AXIN2: variants seen among roughly 807,000 people sequenced by gnomAD.
The protein encoded by AXIN2 is axin-2.
In AXIN2, 21 loss-of-function variants were observed where a neutral mutation model predicts 74.7. That is an observed-to-expected ratio of 0.28 (90% CI 0.20 to 0.40). The LOEUF (loss-of-function observed/expected upper bound fraction) is 0.40, where lower values mean the gene tolerates loss of function less well. Among genes scored for constraint, AXIN2 ranks in the 10% least tolerant of loss-of-function variants. The pLI, the probability that AXIN2 is intolerant of heterozygous loss-of-function variation, is 1.00. For missense variants in AXIN2, 1,144 were observed against 1,111.1 expected (o/e 1.03, Z -0.42); for synonymous variants, 532 against 454.9 (o/e 1.17, Z -2.16).
At chr17:65,552,195 C>G (rs915534626) in intron 2 of AXIN2, among the ~76,000 whole-genome samples, 1 of 152,146 alleles carries the variant, frequency 6.6e-6, no homozygotes, top group African/African-American at 2.4e-5. Flanking sequence ...AAGGTTGATT[C>G]AGTGAAAAAG....
chr17:65,543,433 C>T (rs553277343), intron 3 of AXIN2, among the ~76,000 whole-genome samples: 5 of 152,152 alleles, frequency 3.3e-5, no homozygotes, highest in East Asian at 1.9e-4. Context: ...GAAACCAAAT[C>T]GCACCCAAGG....
In AXIN2 at chr17:65,541,429, G is replaced by A. The variant is rs200121633; in HGVS notation, c.1059+26C>T. ...GGACTCAACATGGCAGAAAACAGCT[G>A]TCTCCTCACTCCAGACTGTACTCAC... On this transcript the variant is annotated intron_variant, in intron 4 of 10. Coordinates refer to ENST00000307078, the MANE Select transcript of AXIN2 (RefSeq NM_004655.4). 3.4e-5 allele frequency: 54 copies of A among 1,583,304 alleles called. No individual in the cohort carries two copies. The African/African-American group carries it at 5.9e-4, about 17-fold the overall frequency.
At chr17:65,554,089 C>G (rs568635727) in intron 2 of AXIN2, among the ~76,000 whole-genome samples, 2 of 152,202 alleles carry the variant, frequency 1.3e-5, no homozygotes, top group East Asian at 1.9e-4. Flanking sequence ...AAGGAGGTGC[C>G]GGCTGCTTTC....
intron 2 of AXIN2, among the ~76,000 whole-genome samples, chr17:65,557,220 A>G (rs1206512684): frequency 6.6e-6 from 1 of 152,126 alleles, no homozygotes; most frequent in Non-Finnish European, 1.5e-5. Flanking sequence ...AAGTCACAGG[A>G]CCTTCCCTAG....
rs116525755 is a variant in AXIN2 at position 65,536,352 on chromosome 17, C to T, written c.2109G>A (p.Arg703=). The T allele has an allele frequency of 7.4e-4, 1,187 of 1,613,198 alleles. 9 individuals carry two copies. In the African/African-American group the frequency reaches 0.012, roughly 17 times the overall value. ...TLAQLEEACR[R]LAEVSKPPKQ... ...TTGGGGGCTTCGACACCTCAGCTAG[C>T]CTGCGACAGGCCTCCTCCAGCTGAG... is the stretch of plus-strand genomic sequence containing the variant. The change falls in exon 8 of 11, where the codon AGG becomes AGA. Residue 703 remains arginine (R), a synonymous_variant. Coordinates refer to ENST00000307078, the MANE Select transcript of AXIN2 (RefSeq NM_004655.4).
At chr17:65,535,538 G>T in intron 9 of AXIN2, 88 bp downstream of exon 9, 2 of 1,365,976 alleles carry the variant, frequency 1.5e-6, no homozygotes, top group East Asian at 4.6e-5. Flanking sequence ...ACCAAAAAAA[G>T]TTTCATGAAA....
intron 8 of AXIN2, 134 bp downstream of exon 8, chr17:65,536,186 C>T: frequency 1.1e-6 from 1 of 911,250 alleles, no homozygotes; most frequent in East Asian, 2.6e-5. Flanking sequence ...GCTTACTCAT[C>T]CATAAGTAAT....
Position 65,529,436 on chromosome 17 carries a change from G to A in AXIN2, c.*540C>T, listed in dbSNP as rs2043780367. On this transcript the variant is annotated 3_prime_UTR_variant, in exon 11 of 11. Coordinates refer to ENST00000307078, the MANE Select transcript of AXIN2 (RefSeq NM_004655.4). ...GTCTAAAACAGTCTGTCTTCACTTG[G>A]AGGGACGTAGTGCAAAGCATAATTC... The A allele has an allele frequency of 3.9e-6, 1 of 257,304 alleles. No individual in the cohort carries two copies. Among genetic ancestry groups the A allele is most frequent in the African/African-American group, 2.2e-5 (1 of 45,714 alleles). 15.9% of individuals were successfully genotyped at this position (257,304 alleles called of 1,614,324 possible). A position where few individuals can be genotyped will look rare whatever the true frequency, so the allele number is the denominator to read the frequency against.
chr17:65,542,620 A>G (rs895174426), intron 3 of AXIN2, among the ~76,000 whole-genome samples: 1 of 152,232 alleles, frequency 6.6e-6, no homozygotes, highest in African/African-American at 2.4e-5. Context: ...AGAATTTTTA[A>G]AAAGCTGCCA....
chr17:65,550,583 G>A (rs2044177911), intron 2 of AXIN2, among the ~76,000 whole-genome samples: 1 of 152,174 alleles, frequency 6.6e-6, no homozygotes, highest in African/African-American at 2.4e-5. Flanking sequence ...AGTCGCAGGA[G>A]GCCTATTTAC....
At chr17:65,548,024 G>C (rs1255861789) in intron 3 of AXIN2, among the ~76,000 whole-genome samples, 1 of 152,128 alleles carries the variant, frequency 6.6e-6, no homozygotes, top group Non-Finnish European at 1.5e-5. Context: ...TAAGAAATAT[G>C]TCCACCAAAA....
In AXIN2 at chr17:65,551,347, G is replaced by T. The variant is rs533157226; in HGVS notation, c.816-1687C>A. On this transcript the variant is annotated intron_variant, in intron 2 of 10. Coordinates refer to ENST00000307078, the MANE Select transcript of AXIN2 (RefSeq NM_004655.4). ...AGCGAAAAGCTCTCCCTAGACTAGGGAGAGAGAGGGGTCTAATTAGCCAGG... is the reference window on the plus strand; with the variant it reads ...AGCGAAAAGCTCTCCCTAGACTAGGTAGAGAGAGGGGTCTAATTAGCCAGG... 4.2e-4 allele frequency among the ~76,000 whole-genome samples: 64 copies of T among 152,204 alleles called. No individual in the cohort carries two copies. In the South Asian group the frequency reaches 0.013, roughly 31 times the overall value.
intron 1 of AXIN2, 88 bp from the exon 2 acceptor site, chr17:65,558,824 A>G (rs2144593786): frequency 1.6e-6 from 1 of 610,112 alleles, no homozygotes; most frequent in African/African-American, 1.8e-5. Flanking sequence ...CAAAGCAAGA[A>G]AGTAAACAGG....
chr17:65,533,410 G>A (rs1053942273), intron 10 of AXIN2, among the ~76,000 whole-genome samples: 2 of 152,204 alleles, frequency 1.3e-5, no homozygotes, highest in African/African-American at 4.8e-5. Flanking sequence ...AAAAACACGG[G>A]GGACTTTTCC....
chr17:65,553,811 T>C (rs1177503750), intron 2 of AXIN2, among the ~76,000 whole-genome samples: 1 of 78,276 alleles, frequency 1.3e-5, no homozygotes, highest in Admixed American at 1.9e-4. Context: ...GAAAACGGAG[T>C]GGGGCTGTTT....
intron 4 of AXIN2, among the ~76,000 whole-genome samples, 187 bp downstream of exon 4, chr17:65,541,268 C>T (rs1307302541): frequency 1.3e-5 from 2 of 152,246 alleles, no homozygotes; most frequent in Non-Finnish European, 2.9e-5. Flanking sequence ...ACTGTGCTCA[C>T]CATCACAACC....
At chr17:65,551,723 A>C (rs1296623427) in intron 2 of AXIN2, among the ~76,000 whole-genome samples, 1 of 152,172 alleles carries the variant, frequency 6.6e-6, no homozygotes, top group African/African-American at 2.4e-5. Flanking sequence ...ACAGGGCCAT[A>C]AACTTTTTAA....
intron 3 of AXIN2, 77 bp downstream of exon 3, chr17:65,549,443 G>C: frequency 6.3e-7 from 1 of 1,586,804 alleles, no homozygotes; most frequent in Non-Finnish European, 8.6e-7. Flanking sequence ...AGCTGAGGAT[G>C]ACAGACGATT....
chr17:65,558,372 G>A lies in AXIN2; in HGVS notation c.249C>T (p.His83=), dbSNP rs763904249. Residue 83 remains histidine, a synonymous_variant, in exon 2 of 11, where the codon CAC becomes CAT. Transcript: ENST00000307078. ...SPLTRWTKSL[H]SLLGDQDGAY... Reference sequence around the variant, plus strand: ...CACCGTCTTGATCGCCCAATAAGGAGTGTAAGGACTTGGTCCACCGGGTCA... The same window carrying A: ...CACCGTCTTGATCGCCCAATAAGGAATGTAAGGACTTGGTCCACCGGGTCA... 6.2e-7 allele frequency: 1 copy of A among 1,612,306 alleles called. No homozygotes were observed. The highest frequency in any genetic ancestry group is 8.5e-7 in the Non-Finnish European group (1 of 1,178,494).
Sources: allele counts gnomAD v4.1 joint callset (sites outside exome capture counted in the v4.1 genomes callset), GRCh38; gene constraint gnomAD v4.1.1; transcripts MANE v1.5; gene names NCBI Gene and HGNC (gene_info 2026-07-23, HGNC 2026-07-21).